Variants in GALNTL6 observed in about 807,000 individuals in gnomAD.
GALNTL6 encodes polypeptide N-acetylgalactosaminyltransferase like 6, also known as polypeptide N-acetylgalactosaminyltransferase-like 6.
A neutral mutation model predicts 73.7 loss-of-function variants in GALNTL6; 46 were observed. The ratio of observed to expected loss-of-function variants is 0.62; its 90% CI spans 0.49 to 0.80. GALNTL6 has a LOEUF of 0.80. GALNTL6 is among the 30% of genes least tolerant of loss of function. The probability of loss-of-function intolerance (pLI) is 0.00; values close to 1 mark genes in which losing one functional copy is unlikely to be tolerated. For missense variants in GALNTL6, 604 were observed against 755.0 expected, an observed-to-expected ratio of 0.80 and a Z score of 2.34; for synonymous variants, 259 against 263.7, an observed-to-expected ratio of 0.98 and a Z score of 0.17.
chr4:172,623,979 A>T (rs755277511), intron 5 of GALNTL6, among the ~76,000 whole-genome samples: 12 of 152,144 alleles, frequency 7.9e-5, no homozygotes, highest in Non-Finnish European at 1.5e-4. Context: ...TCCATTTAGA[A>T]TTAATCATGG....
At chr4:172,285,449 G>A (rs1739212755) in intron 3 of GALNTL6, among the ~76,000 whole-genome samples, 1 of 152,110 alleles carries the variant, frequency 6.6e-6, no homozygotes, top group South Asian at 2.1e-4. Flanking sequence ...AGCATAACCA[G>A]GAATCTAGCA....
chr4:171,991,421 T>C (rs1740330244), intron 2 of GALNTL6, among the ~76,000 whole-genome samples: 1 of 152,034 alleles, frequency 6.6e-6, no homozygotes, highest in Non-Finnish European at 1.5e-5. Context: ...TTTTTAAAAC[T>C]TAATTTGAAG....
intron 2 of GALNTL6, among the ~76,000 whole-genome samples, chr4:172,227,053 C>G (rs967102016): frequency 3.9e-5 from 6 of 152,264 alleles, no homozygotes; most frequent in Non-Finnish European, 8.8e-5. Context: ...CCCAAAATCC[C>G]TGGAAATCTT....
rs553211687 is a variant in GALNTL6 at position 172,676,944 on chromosome 4, T to C, written c.554-132417T>C. The stretch of plus-strand genomic sequence containing the variant: ...CCAAATACAATGTTCTTGCTTTTTA[T>C]AGCCAGTAGTATTCTTCTTCTTCTA... On this transcript the variant is annotated intron_variant, in intron 5 of 12. Transcript: ENST00000506823. Among the ~76,000 whole-genome samples the C allele has an allele frequency of 6.1e-4, 93 of 152,358 alleles. 1 individual carries two copies. The South Asian group carries it at 0.016, about 26-fold the overall frequency.
chr4:172,122,307 AG>A (rs1364221569), intron 2 of GALNTL6, among the ~76,000 whole-genome samples: 1 of 152,108 alleles, frequency 6.6e-6, no homozygotes, highest in Non-Finnish European at 1.5e-5. Flanking sequence ...AGGCGTTAAA[AG>A]GGGAAAGAGT....
chr4:172,251,411 G>A (rs150916300), intron 3 of GALNTL6, among the ~76,000 whole-genome samples: 10 of 152,120 alleles, frequency 6.6e-5, no homozygotes, highest in South Asian at 2.1e-4. Flanking sequence ...TTTAGCACTC[G>A]GGTTCAGCCA....
intron 2 of GALNTL6, among the ~76,000 whole-genome samples, chr4:171,962,663 A>G (rs995802230): frequency 2.6e-5 from 4 of 152,122 alleles, no homozygotes; most frequent in African/African-American, 9.7e-5. Context: ...CCAAATAATC[A>G]AGAAATAACC....
intron 5 of GALNTL6, among the ~76,000 whole-genome samples, chr4:172,405,897 C>G (rs776159877): frequency 2.6e-5 from 4 of 151,668 alleles, no homozygotes; most frequent in Non-Finnish European, 4.4e-5. Context: ...ACGGAAGAGC[C>G]CTCTCCCAAG....
At chr4:171,985,402 T>A (rs1740038934) in intron 2 of GALNTL6, among the ~76,000 whole-genome samples, 3 of 152,208 alleles carry the variant, frequency 2.0e-5, no homozygotes, top group Admixed American at 2.0e-4. Context: ...ACCCCCATGA[T>A]TCTATTATCT....
In GALNTL6 at chr4:172,952,040, C is replaced by T. The variant is rs768114416; in HGVS notation, c.1153C>T (p.Leu385=). The change falls in exon 10 of 13, where the codon CTG becomes TTG. Residue 385 remains leucine (L), a synonymous_variant. Coordinates refer to ENST00000506823, the MANE Select transcript of GALNTL6 (RefSeq NM_001034845.3). ...TTTTTGTTTTCCTGCTGCACAGAAC[C>T]TGAAGCGGGTAGCTGAGACCTGGAT... ...VPSGTSLARN[L]KRVAETWMDE... 3 of 1,612,630 alleles carry T rather than the reference C, an allele frequency of 1.9e-6. No individual in the cohort carries two copies. Among genetic ancestry groups the T allele is most frequent in the South Asian group, 2.2e-5 (2 of 90,928 alleles).
chr4:172,945,837 T>C (rs1242489852), intron 9 of GALNTL6, among the ~76,000 whole-genome samples: 1 of 152,168 alleles, frequency 6.6e-6, no homozygotes, highest in Admixed American at 6.6e-5. Flanking sequence ...CTAGGCTGAA[T>C]AATTGTAGTG....
At chr4:172,979,497 A>T (rs1029421521) in intron 10 of GALNTL6, among the ~76,000 whole-genome samples, 4 of 152,240 alleles carry the variant, frequency 2.6e-5, no homozygotes, top group Non-Finnish European at 5.9e-5. Flanking sequence ...GTTCAAGCTC[A>T]TATCTAGCGT....
chr4:173,019,881 G>T (rs528821343), intron 11 of GALNTL6, among the ~76,000 whole-genome samples: 2 of 152,300 alleles, frequency 1.3e-5, no homozygotes, highest in East Asian at 3.9e-4. Context: ...ATTTTGCCAG[G>T]TTCTCTACAT....
chr4:171,886,201 TGAA>T lies in GALNTL6; in HGVS notation c.138+71484_138+71486del, dbSNP rs1383263286. On this transcript the variant is annotated intron_variant, in intron 2 of 12. Coordinates refer to ENST00000506823, the MANE Select transcript of GALNTL6 (RefSeq NM_001034845.3). ...AATAAAAATATAATTCAATTTATAGTGAACAAAAATATTTTAAAGGCAAACTCA... is the reference window on the plus strand; with the variant it reads ...AATAAAAATATAATTCAATTTATAGTCAAAAATATTTTAAAGGCAAACTCA... Among the ~76,000 whole-genome samples, 72 of 152,184 alleles carry T rather than the reference TGAA, an allele frequency of 4.7e-4. No homozygotes were observed. In the East Asian group the frequency reaches 0.011, roughly 23 times the overall value.
intron 2 of GALNTL6, among the ~76,000 whole-genome samples, chr4:171,850,455 A>C (rs1437203134): frequency 6.6e-6 from 1 of 152,158 alleles, no homozygotes; most frequent in Non-Finnish European, 1.5e-5. Flanking sequence ...GAGCGCAGTT[A>C]ATCAGCATCT....
chr4:172,904,000 A>G (rs1327872802), intron 8 of GALNTL6, among the ~76,000 whole-genome samples: 1 of 152,116 alleles, frequency 6.6e-6, no homozygotes, highest in African/African-American at 2.4e-5. Flanking sequence ...CTGCACATCT[A>G]TTTTGACAGC....
intron 2 of GALNTL6, among the ~76,000 whole-genome samples, chr4:171,883,614 T>A (rs1028335761): frequency 1.3e-5 from 2 of 151,970 alleles, no homozygotes; most frequent in African/African-American, 4.8e-5. Flanking sequence ...TGTCTGAGGA[T>A]CTAAATTATA....
chr4:171,907,718 G>C (rs890631108), intron 2 of GALNTL6, among the ~76,000 whole-genome samples: 13 of 151,228 alleles, frequency 8.6e-5, no homozygotes, highest in Admixed American at 5.9e-4. Context: ...CAAAGCCAGA[G>C]GCATCACACT....
intron 7 of GALNTL6, among the ~76,000 whole-genome samples, chr4:172,850,822 C>T (rs1392827077): frequency 6.6e-6 from 1 of 152,080 alleles, no homozygotes; most frequent in Non-Finnish European, 1.5e-5. Flanking sequence ...CCTATGTTTA[C>T]CCATTTATCA....
Sources: allele counts gnomAD v4.1 joint callset (sites outside exome capture counted in the v4.1 genomes callset), GRCh38; gene constraint gnomAD v4.1.1; transcripts MANE v1.5; gene names NCBI Gene and HGNC (gene_info 2026-07-23, HGNC 2026-07-21).